MAPK8IP3: variants seen among roughly 807,000 people sequenced by gnomAD.
MAPK8IP3 encodes the protein C-Jun-amino-terminal kinase-interacting protein 3.
MAPK8IP3 carries 49 observed loss-of-function variants against 157.8 expected under a neutral mutation model. The observed-to-expected ratio is 0.31, with a 90% CI of 0.25 to 0.39. MAPK8IP3 has a LOEUF of 0.39. MAPK8IP3 is among the 10% of genes least tolerant of loss of function. The probability of loss-of-function intolerance (pLI) is 1.00; values close to 1 mark genes in which losing one functional copy is unlikely to be tolerated. For missense variants in MAPK8IP3, 1,478 were observed against 1,889.4 expected (o/e 0.78, Z 4.04); for synonymous variants, 897 against 777.7 (o/e 1.15, Z -2.55).
chr16:1,753,289 CGTTT>C (rs371239395), intron 8 of MAPK8IP3, among the ~76,000 whole-genome samples: 8 of 152,016 alleles, frequency 5.3e-5, no homozygotes, highest in African/African-American at 1.9e-4. Flanking sequence ...TTTGTTCGTT[CGTTT>C]GTTTCCTATA....
chr16:1,739,562 CCGTT>C (rs776080303), intron 4 of MAPK8IP3, among the ~76,000 whole-genome samples: 159 of 117,948 alleles, frequency 1.3e-3, no homozygotes, highest in Non-Finnish European at 2.1e-3. Flanking sequence ...ATCTGTGTGA[CCGTT>C]CGTGTGTGTG....
Position 1,710,366 on chromosome 16 carries a change from G to A in MAPK8IP3, c.318+3709G>A, listed in dbSNP as rs933518302. On this transcript the variant is annotated intron_variant, in intron 1 of 31. Transcript: ENST00000610761. This position sits in a 1 kb window ranked among gnomAD's most constrained non-coding sequence, Gnocchi z 4.1. ...GCAGGCCCCTGTAGTCCCAGCACTC[G>A]GGAGGCTGAGGCAGGAGAATCACTT... is the stretch of plus-strand genomic sequence containing the variant. 3.9e-5 allele frequency among the ~76,000 whole-genome samples: 6 copies of A among 152,022 alleles called. No individual in the cohort carries two copies. Among genetic ancestry groups the A allele is most frequent in the Non-Finnish European group, 2.9e-5 (2 of 67,984 alleles).
intron 8 of MAPK8IP3, among the ~76,000 whole-genome samples, chr16:1,749,212 G>A (rs572385406): frequency 3.3e-5 from 5 of 152,286 alleles, no homozygotes; most frequent in Non-Finnish European, 4.4e-5. Context: ...TGCACGGTGC[G>A]GTGGGTTACA....
Position 1,767,590 on chromosome 16 carries a change from G to T in MAPK8IP3, c.3264G>T (p.Arg1088=), listed in dbSNP as rs759276693. 1 of 1,612,288 alleles carries T rather than the reference G, an allele frequency of 6.2e-7. No homozygotes were observed. The highest frequency in any genetic ancestry group is 2.2e-5 in the East Asian group (1 of 44,880). ...IEKSFDAHPR[R]ESQVRQLAWI... ...AGTCATTTGACGCCCACCCGCGGCG[G>T]GAGAGCCAGGTGCGGCAGCTGGCGT... is the stretch of plus-strand genomic sequence containing the variant. The change falls in exon 27 of 32, where the codon CGG becomes CGT. Residue 1088 remains arginine, a synonymous_variant. Transcript: ENST00000610761.
At chr16:1,761,526 C>T (rs1318394562) in intron 13 of MAPK8IP3, among the ~76,000 whole-genome samples, 2 of 146,524 alleles carry the variant, frequency 1.4e-5, no homozygotes, top group Non-Finnish European at 3.0e-5. Context: ...CACCATTCAC[C>T]ATTCACAGGC....
Position 1,706,219 on chromosome 16 carries a change from G to C in MAPK8IP3, c.-121G>C. ...CAGCCTCGGCAGCGGCGGCGGCGGA[G>C]CCCTGAGGCGACAGCAGCTGCGGGA... On this transcript the variant is annotated 5_prime_UTR_variant, in exon 1 of 32. Transcript: ENST00000610761. The surrounding 1 kb of genome is among the most constrained non-coding windows in gnomAD (Gnocchi z 5.1). 2 of 878,860 alleles carry C rather than the reference G, an allele frequency of 2.3e-6. No individual in the cohort carries two copies. Among genetic ancestry groups the C allele is most frequent in the Non-Finnish European group, 3.1e-6 (2 of 639,692 alleles). 54.4% of individuals were successfully genotyped at this position (878,860 alleles called of 1,614,324 possible). A position where few individuals can be genotyped will look rare whatever the true frequency, so the allele number is the denominator to read the frequency against.
chr16:1,763,819 C>T (rs1381114579), intron 17 of MAPK8IP3, 36 bp downstream of exon 17: 1 of 1,248,790 alleles, frequency 8.0e-7, no homozygotes, highest in Admixed American at 3.5e-5. Context: ...GGCGGGGCCC[C>T]GCAGAGGCGG....
At chr16:1,764,750 C>T (rs1251476266) in intron 19 of MAPK8IP3, among the ~76,000 whole-genome samples, 1 of 152,184 alleles carries the variant, frequency 6.6e-6, no homozygotes, top group East Asian at 1.9e-4. Flanking sequence ...GCTTGCCTCC[C>T]AGTGGTGGGA....
intron 8 of MAPK8IP3, among the ~76,000 whole-genome samples, chr16:1,749,845 C>T (rs953284397): frequency 6.6e-6 from 1 of 152,190 alleles, no homozygotes; most frequent in African/African-American, 2.4e-5. Context: ...GTGCTGAGCA[C>T]CAGCAGGGCC....
chr16:1,735,395 G>T (rs943716881), intron 4 of MAPK8IP3, among the ~76,000 whole-genome samples: 2 of 147,914 alleles, frequency 1.4e-5, no homozygotes, highest in South Asian at 4.4e-4. Context: ...CGTGTGGAAC[G>T]TGTGACCGTC....
chr16:1,760,020 G>A lies in MAPK8IP3; in HGVS notation c.1304+5G>A. On this transcript the variant is annotated splice_donor_5th_base_variant and intron_variant, in intron 11 of 31. Transcript: ENST00000610761. ...CTCACAGCTTCTGGAAACCAAGTAA[G>A]AGTGCCCTTCTCCTGTGTGGTGGGG... The A allele has an allele frequency of 1.2e-6, 2 of 1,614,168 alleles. No homozygotes were observed. The highest frequency in any genetic ancestry group is 1.7e-6 in the Non-Finnish European group (2 of 1,180,006).
intron 4 of MAPK8IP3, among the ~76,000 whole-genome samples, chr16:1,738,985 TGTGA>T (rs1233194390): frequency 7.1e-6 from 1 of 140,180 alleles, no homozygotes; most frequent in Non-Finnish European, 1.5e-5. Flanking sequence ...CGTGTGAGCA[TGTGA>T]GCATCCGTGT....
At chr16:1,763,926 TC>T (rs2042103135) in intron 17 of MAPK8IP3, 143 bp downstream of exon 17, 5 of 1,072,248 alleles carry the variant, frequency 4.7e-6, no homozygotes, top group African/African-American at 1.6e-5. Flanking sequence ...CCTGGCAGGT[TC>T]CTAGTGAGCC....
chr16:1,724,524 G>T lies in MAPK8IP3; in HGVS notation c.319-33G>T. 2 of 1,609,486 alleles carry T rather than the reference G, an allele frequency of 1.2e-6. No homozygotes were observed. ...AGGCGGCTGCTCCACACTCACTCCT[G>T]ATGACTGCTCTTTCCCTCCCTTCCA... On this transcript the variant is annotated intron_variant, in intron 1 of 31. Coordinates refer to ENST00000610761, the MANE Select transcript of MAPK8IP3 (RefSeq NM_001318852.2). The surrounding 1 kb of genome is among the most constrained non-coding windows in gnomAD (Gnocchi z 4.1).
In MAPK8IP3 at chr16:1,767,307, G is replaced by A. The variant is rs746280071; in HGVS notation, c.3237+10G>A. 32 of 1,612,608 alleles carry A rather than the reference G, an allele frequency of 2.0e-5. No individual in the cohort carries two copies. The highest frequency in any genetic ancestry group is 8.8e-5 in the South Asian group (8 of 91,058). ...GACCATGCAGATAGAGGCGAGTGCC[G>A]GCCAGGGCCCCGGGGAGGGGAAGAG... On this transcript the variant is annotated intron_variant, in intron 26 of 31. Coordinates refer to ENST00000610761, the MANE Select transcript of MAPK8IP3 (RefSeq NM_001318852.2).
chr16:1,766,480 G>A, intron 22 of MAPK8IP3, 49 bp from the exon 23 acceptor site: 1 of 1,603,872 alleles, frequency 6.2e-7, no homozygotes, highest in Non-Finnish European at 8.5e-7. Flanking sequence ...GGGTCTTGGG[G>A]CAGGTGCGTG....
chr16:1,718,195 T>TG (rs577305374), intron 1 of MAPK8IP3, among the ~76,000 whole-genome samples: 4 of 151,392 alleles, frequency 2.6e-5, no homozygotes, highest in African/African-American at 7.3e-5. Flanking sequence ...ATGATTTTTT[T>TG]TTTTTTGAAG....
At position 1,751,229 on chromosome 16, in the gene MAPK8IP3, G is replaced by A. The variant is rs1328310569; in HGVS notation, c.1216+2509G>A. Among the ~76,000 whole-genome samples the A allele has an allele frequency of 6.6e-6, 1 of 152,094 alleles. No individual in the cohort carries two copies. The highest frequency in any genetic ancestry group is 2.0e-4 in the East Asian group (1 of 5,122). ...CCAGCACTTTGGGAGGCCGAGGCGG[G>A]TGGATTGCTTGAAGTCAGGAGTTTG... On this transcript the variant is annotated intron_variant, in intron 8 of 31. Coordinates refer to ENST00000610761, the MANE Select transcript of MAPK8IP3 (RefSeq NM_001318852.2). This position sits in a 1 kb window ranked among gnomAD's most constrained non-coding sequence, Gnocchi z 5.0.
chr16:1,739,412 GCATC>G (rs2040449286), intron 4 of MAPK8IP3, among the ~76,000 whole-genome samples: 2 of 144,880 alleles, frequency 1.4e-5, no homozygotes, highest in Non-Finnish European at 3.0e-5. Flanking sequence ...GTCCATGTGA[GCATC>G]CCTGTGACCG....
Sources: gnomAD v4.1 joint callset for allele counts (sites outside exome capture counted in the v4.1 genomes callset) on GRCh38, gnomAD v4.1.1 for gene constraint, Gnocchi (gnomAD v3.1) non-coding constraint, MANE v1.5 for transcripts, NCBI Gene and HGNC (gene_info 2026-07-23, HGNC 2026-07-21) for gene names.